Variants in KCNH7 observed in about 807,000 individuals in gnomAD.
KCNH7 encodes potassium voltage-gated channel subfamily H member 7, also known as voltage-gated inwardly rectifying potassium channel KCNH7.
In KCNH7, 49 loss-of-function variants were observed where a neutral mutation model predicts 120.8. The ratio of observed to expected loss-of-function variants is 0.41; its 90% confidence interval spans 0.32 to 0.51. The LOEUF (loss-of-function observed/expected upper bound fraction) is 0.51. KCNH7 is among the 20% of genes least tolerant of loss of function. The probability of loss-of-function intolerance (pLI) is 0.38; values close to 1 mark genes in which losing one functional copy is unlikely to be tolerated. For synonymous variants in KCNH7, 547 were observed against 516.1 expected (o/e 1.06, Z -0.81); for missense variants, 1,097 against 1,446.6 (o/e 0.76, Z 3.92).
At chr2:162,578,204 G>A (rs946628453) in intron 2 of KCNH7, among the ~76,000 whole-genome samples, 3 of 152,012 alleles carry the variant, frequency 2.0e-5, no homozygotes, top group Non-Finnish European at 4.4e-5. Context: ...CGCTAGCTGA[G>A]ACAATACCAA....
chr2:162,616,409 G>A (rs1050584020), intron 2 of KCNH7, among the ~76,000 whole-genome samples: 2 of 152,156 alleles, frequency 1.3e-5, no homozygotes, highest in African/African-American at 4.8e-5. Flanking sequence ...GGGTGGTGTG[G>A]AGAAGTAAAC....
intron 13 of KCNH7, among the ~76,000 whole-genome samples, chr2:162,381,559 G>A (rs1305435170): frequency 6.6e-6 from 1 of 152,018 alleles, no homozygotes; most frequent in East Asian, 1.9e-4. Context: ...TGCCTCAGTA[G>A]GGTGAGGCTT....
At chr2:162,577,152 T>G (rs1316807531) in intron 2 of KCNH7, among the ~76,000 whole-genome samples, 1 of 151,912 alleles carries the variant, frequency 6.6e-6, no homozygotes, top group Non-Finnish European at 1.5e-5. Flanking sequence ...ACTTCTGGCC[T>G]CAAGTAATCC....
chr2:162,396,022 G>A (rs1325777467), intron 11 of KCNH7, among the ~76,000 whole-genome samples: 2 of 151,630 alleles, frequency 1.3e-5, no homozygotes, highest in Non-Finnish European at 3.0e-5. Flanking sequence ...GATGGAAGAG[G>A]AATAACCTAG....
At chr2:162,681,018 T>G (rs943445812) in intron 2 of KCNH7, among the ~76,000 whole-genome samples, 11 of 151,878 alleles carry the variant, frequency 7.2e-5, no homozygotes, top group South Asian at 2.1e-4. Context: ...TTTAGAAAAC[T>G]TAAGGAAAGT....
At chr2:162,530,636 T>C (rs897199007) in intron 3 of KCNH7, among the ~76,000 whole-genome samples, 1 of 152,058 alleles carries the variant, frequency 6.6e-6, no homozygotes, top group African/African-American at 2.4e-5. Context: ...AAGCTGGTAG[T>C]TACAATGTAG....
intron 8 of KCNH7, among the ~76,000 whole-genome samples, chr2:162,429,981 T>C (rs759329956): frequency 6.6e-6 from 1 of 151,804 alleles, no homozygotes; most frequent in Non-Finnish European, 1.5e-5. Flanking sequence ...TTATAATAGC[T>C]CTTAAATTTT....
intron 12 of KCNH7, among the ~76,000 whole-genome samples, chr2:162,392,906 A>T (rs1686787416): frequency 6.6e-6 from 1 of 151,890 alleles, no homozygotes; most frequent in South Asian, 2.1e-4. Flanking sequence ...AAAAATCAAC[A>T]GAAGTCCAGT....
chr2:162,419,095 T>A (rs1687624223), intron 9 of KCNH7, among the ~76,000 whole-genome samples: 1 of 151,722 alleles, frequency 6.6e-6, no homozygotes, highest in African/African-American at 2.4e-5. Context: ...GCTATCAAGT[T>A]CCCTTTTAAA....
Position 162,713,165 on chromosome 2 carries a change from A to G in KCNH7, c.307+123372T>C, listed in dbSNP as rs190881953. ...CCAGGCTGGTCTCAGGCTCCTGACA[A>G]TTTCTTATGATTGGAAAAAGCAGAC... is the stretch of plus-strand genomic sequence containing the variant. On this transcript the variant is annotated intron_variant, in intron 2 of 15. Coordinates refer to ENST00000332142, the MANE Select transcript of KCNH7 (RefSeq NM_033272.4). Among the ~76,000 whole-genome samples, 4 of 152,180 alleles carry G rather than the reference A, an allele frequency of 2.6e-5. No individual in the cohort carries two copies. In the East Asian group the frequency reaches 5.8e-4, roughly 22 times the overall value.
At chr2:162,618,791 G>A (rs532806457) in intron 2 of KCNH7, among the ~76,000 whole-genome samples, 1 of 152,128 alleles carries the variant, frequency 6.6e-6, no homozygotes, top group Admixed American at 6.5e-5. Flanking sequence ...GTGGAAAACT[G>A]TCCGACACAA....
intron 2 of KCNH7, among the ~76,000 whole-genome samples, chr2:162,587,603 T>C (rs529918064): frequency 6.6e-6 from 1 of 152,208 alleles, no homozygotes; most frequent in Admixed American, 6.5e-5. Flanking sequence ...AAGCACATTG[T>C]GTCATCCCAA....
chr2:162,691,503 A>G (rs1041021227), intron 2 of KCNH7, among the ~76,000 whole-genome samples: 1 of 152,138 alleles, frequency 6.6e-6, no homozygotes, highest in Non-Finnish European at 1.5e-5. Context: ...TTATAGTAGC[A>G]AATTCTTTAA....
chr2:162,513,151 T>C (rs1034602598), intron 4 of KCNH7, among the ~76,000 whole-genome samples: 1 of 123,834 alleles, frequency 8.1e-6, no homozygotes, highest in Admixed American at 9.1e-5. Context: ...GTTCCTTCCT[T>C]CCTCCCTCCC....
At chr2:162,643,832 G>GAAAAGAA (rs1684255242) in intron 2 of KCNH7, among the ~76,000 whole-genome samples, 2 of 139,240 alleles carry the variant, frequency 1.4e-5, no homozygotes, top group Non-Finnish European at 3.1e-5. Context: ...AAAAAAAGAA[G>GAAAAGAA]AAAAGAAAAA....
chr2:162,656,889 G>C (rs1177371105), intron 2 of KCNH7, among the ~76,000 whole-genome samples: 3 of 152,116 alleles, frequency 2.0e-5, no homozygotes, highest in Non-Finnish European at 4.4e-5. Flanking sequence ...CTACAGATAA[G>C]AAAAATGAGA....
chr2:162,686,936 A>AGG (rs34583010), intron 2 of KCNH7, among the ~76,000 whole-genome samples: 25,740 of 151,982 alleles, frequency 0.17, 2,517 homozygotes, highest in East Asian at 0.46. Flanking sequence ...AGTATGGGAC[A>AGG]GTTATTTTTA....
chr2:162,805,512 G>A (rs1345157160), intron 2 of KCNH7, among the ~76,000 whole-genome samples: 2 of 152,038 alleles, frequency 1.3e-5, no homozygotes, highest in African/African-American at 4.8e-5. Flanking sequence ...TCAGGGAAAT[G>A]CAAATTAAAA....
intron 2 of KCNH7, among the ~76,000 whole-genome samples, chr2:162,739,671 C>A (rs557391541): frequency 2.0e-5 from 3 of 152,272 alleles, no homozygotes; most frequent in African/African-American, 7.2e-5. Flanking sequence ...TGAGTGAGAC[C>A]TGATCATTGG....
Sources: allele counts gnomAD v4.1 joint callset (sites outside exome capture counted in the v4.1 genomes callset), GRCh38; gene constraint gnomAD v4.1.1; transcripts MANE v1.5; gene names NCBI Gene and HGNC (gene_info 2026-07-23, HGNC 2026-07-21).